SPOCK3: variants seen among roughly 807,000 people sequenced by gnomAD.
SPOCK3 encodes testican-3.
A neutral mutation model predicts 56.6 loss-of-function variants in SPOCK3; 30 were observed. The observed-to-expected ratio is 0.53, with a 90% CI of 0.40 to 0.72. The LOEUF (loss-of-function observed/expected upper bound fraction) is 0.72, where lower values mean the gene tolerates loss of function less well. Among genes scored for constraint, SPOCK3 ranks in the 30% least tolerant of loss-of-function variants. The pLI is 0.00. For missense variants in SPOCK3, 527 were observed against 530.0 expected, an observed-to-expected ratio of 0.99 and a Z score of 0.06; for synonymous variants, 196 against 183.3, an observed-to-expected ratio of 1.07 and a Z score of -0.56.
chr4:166,803,686 T>C (rs1472602170), intron 6 of SPOCK3, among the ~76,000 whole-genome samples: 3 of 152,170 alleles, frequency 2.0e-5, no homozygotes, highest in Non-Finnish European at 2.9e-5. Flanking sequence ...TATTTGTGGC[T>C]TCAAATATCT....
chr4:167,098,015 T>C lies in SPOCK3; in HGVS notation c.190-35478A>G, dbSNP rs1009187662. Among the ~76,000 whole-genome samples, 9 of 151,976 alleles carry C rather than the reference T, an allele frequency of 5.9e-5. No homozygotes were observed. The East Asian group carries it at 1.5e-3, about 26-fold the overall frequency. ...TTGTGTCTCTGGCCTGTGACCTTCATAAATGTGTCCCCTGTGGTATAGCTT... is the reference window on the plus strand; with the variant it reads ...TTGTGTCTCTGGCCTGTGACCTTCACAAATGTGTCCCCTGTGGTATAGCTT... On this transcript the variant is annotated intron_variant, in intron 2 of 10. Coordinates refer to ENST00000357545, the MANE Select transcript of SPOCK3 (RefSeq NM_001040159.2).
At chr4:167,135,350 AC>A (rs1456455079) in intron 2 of SPOCK3, among the ~76,000 whole-genome samples, 3 of 152,166 alleles carry the variant, frequency 2.0e-5, no homozygotes, top group Non-Finnish European at 2.9e-5. Flanking sequence ...AAAACGTAGC[AC>A]ACATGGGAGG....
chr4:166,829,508 C>T, intron 6 of SPOCK3, among the ~76,000 whole-genome samples: 1 of 152,000 alleles, frequency 6.6e-6, no homozygotes, highest in South Asian at 2.1e-4. Flanking sequence ...TTGCATTTTA[C>T]TATTTAGTTA....
intron 4 of SPOCK3, among the ~76,000 whole-genome samples, chr4:166,954,238 C>A (rs1743109434): frequency 6.6e-6 from 1 of 152,122 alleles, no homozygotes. Flanking sequence ...CAAATATATT[C>A]TCCCATTTTG....
chr4:167,142,120 T>A (rs1763584381), intron 2 of SPOCK3, among the ~76,000 whole-genome samples: 1 of 152,010 alleles, frequency 6.6e-6, no homozygotes, highest in East Asian at 1.9e-4. Context: ...GAGTAAAGCA[T>A]TTTTAGACAT....
intron 7 of SPOCK3, among the ~76,000 whole-genome samples, chr4:166,769,905 G>A (rs1042555171): frequency 2.6e-5 from 4 of 152,144 alleles, no homozygotes; most frequent in Non-Finnish European, 5.9e-5. Context: ...CCCTCCCCCA[G>A]CCTTGCTGCT....
At chr4:166,826,899 T>C (rs1380382946) in intron 6 of SPOCK3, among the ~76,000 whole-genome samples, 20 of 152,064 alleles carry the variant, frequency 1.3e-4, no homozygotes, top group Admixed American at 1.3e-3. Flanking sequence ...TTGTCCAGTC[T>C]TACTTGCCTT....
intron 4 of SPOCK3, among the ~76,000 whole-genome samples, chr4:166,949,505 C>T (rs1044481147): frequency 2.0e-5 from 3 of 152,094 alleles, no homozygotes; most frequent in Admixed American, 1.3e-4. Flanking sequence ...TGGTGATGTA[C>T]AGATGGGTTT....
At chr4:166,742,451 A>T (rs1035825143) in intron 8 of SPOCK3, among the ~76,000 whole-genome samples, 1 of 152,174 alleles carries the variant, frequency 6.6e-6, no homozygotes, top group Non-Finnish European at 1.5e-5. Flanking sequence ...CAAGTCAGAA[A>T]TGTAAATTCA....
chr4:166,830,228 T>C (rs1382753627), intron 6 of SPOCK3, among the ~76,000 whole-genome samples: 1 of 152,226 alleles, frequency 6.6e-6, no homozygotes, highest in Non-Finnish European at 1.5e-5. Context: ...TATTGGAAAC[T>C]ATTATAAGTA....
At chr4:166,930,336 T>C (rs1319507582) in intron 4 of SPOCK3, among the ~76,000 whole-genome samples, 2 of 152,152 alleles carry the variant, frequency 1.3e-5, no homozygotes, top group Non-Finnish European at 2.9e-5. Flanking sequence ...TCAACATACC[T>C]CTTTTACTAT....
At chr4:166,743,582 A>G (rs1465059060) in intron 8 of SPOCK3, among the ~76,000 whole-genome samples, 2 of 152,336 alleles carry the variant, frequency 1.3e-5, no homozygotes, top group African/African-American at 4.8e-5. Flanking sequence ...CAACTGAGGT[A>G]CTGGGTTCAT....
At chr4:166,836,188 T>C (rs1746600704) in intron 6 of SPOCK3, among the ~76,000 whole-genome samples, 2 of 152,226 alleles carry the variant, frequency 1.3e-5, no homozygotes, top group African/African-American at 4.8e-5. Flanking sequence ...GAGGACCCAC[T>C]ATATCCTGGG....
chr4:167,020,643 G>T (rs1183171190), intron 3 of SPOCK3, among the ~76,000 whole-genome samples: 1 of 152,006 alleles, frequency 6.6e-6, no homozygotes, highest in East Asian at 1.9e-4. Flanking sequence ...AGATGCCAGT[G>T]CCTTGATCTT....
chr4:167,223,231 A>T, intron 2 of SPOCK3, among the ~76,000 whole-genome samples: 1 of 137,634 alleles, frequency 7.3e-6, no homozygotes, highest in Non-Finnish European at 1.5e-5. Context: ...ATAATATATA[A>T]TATATTTTAT....
chr4:166,782,330 G>GA (rs747279659), intron 7 of SPOCK3, among the ~76,000 whole-genome samples: 88 of 152,132 alleles, frequency 5.8e-4, no homozygotes, highest in Non-Finnish European at 1.2e-3. Context: ...GAATACCTGA[G>GA]AAAAAATCTA....
At chr4:166,882,705 ACAT>A (rs1733802246) in intron 6 of SPOCK3, 1 of 152,214 alleles carries the variant, frequency 6.6e-6, no homozygotes, top group South Asian at 2.1e-4. Context: ...ATTTAGTCCA[ACAT>A]CAGTTTCACA....
At chr4:167,200,775 A>G (rs778515436) in intron 2 of SPOCK3, among the ~76,000 whole-genome samples, 2 of 152,064 alleles carry the variant, frequency 1.3e-5, no homozygotes, top group African/African-American at 2.4e-5. Flanking sequence ...ACGTCACTTT[A>G]TTGTAAATGT....
chr4:166,856,803 T>G (rs566603908), intron 6 of SPOCK3, among the ~76,000 whole-genome samples: 94 of 144,358 alleles, frequency 6.5e-4, no homozygotes, highest in African/African-American at 2.2e-3. Flanking sequence ...TATCTATCTA[T>G]CTATCTAGAT....
Sources: gnomAD v4.1 joint callset for allele counts (sites outside exome capture counted in the v4.1 genomes callset) on GRCh38, gnomAD v4.1.1 for gene constraint, MANE v1.5 for transcripts, NCBI Gene and HGNC (gene_info 2026-07-23, HGNC 2026-07-21) for gene names.